The following LUC7L3 variants were observed in gnomAD, a reference collection of about 807,000 sequenced individuals.
The protein encoded by LUC7L3 is luc7-like protein 3.
LUC7L3 carries 6 observed loss-of-function variants against 66.8 expected under a neutral mutation model. That is an observed-to-expected ratio of 0.09 (90% CI 0.05 to 0.18). LUC7L3 has a LOEUF of 0.18. Among genes scored for constraint, LUC7L3 ranks in the 10% least tolerant of loss-of-function variants. The probability of loss-of-function intolerance (pLI) is 1.00; values close to 1 mark genes in which losing one functional copy is unlikely to be tolerated. For missense variants in LUC7L3, 341 were observed against 531.1 expected, an observed-to-expected ratio of 0.64 and a Z score of 3.52; for synonymous variants, 160 against 174.7, an observed-to-expected ratio of 0.92 and a Z score of 0.66.
intron 1 of LUC7L3, among the ~76,000 whole-genome samples, chr17:50,721,032 C>G (rs1301262539): frequency 6.6e-6 from 1 of 151,878 alleles, no homozygotes; most frequent in East Asian, 1.9e-4. Flanking sequence ...CAATAGGAGA[C>G]TAAGGAACTG....
chr17:50,735,797 C>G (rs555408247), intron 1 of LUC7L3, among the ~76,000 whole-genome samples: 48 of 152,258 alleles, frequency 3.2e-4, no homozygotes, highest in African/African-American at 1.2e-3. Flanking sequence ...CATGCCTGAC[C>G]AACGCTGCCT....
Position 50,750,973 on chromosome 17 carries a change from T to C in LUC7L3, c.*312T>C. On this transcript the variant is annotated 3_prime_UTR_variant, in exon 10 of 10. Transcript: ENST00000505658. ...ATTGAAAAGTTAATTATCCTTTTTTTAGGGATTTTGATGTCATTTCTTTTT... is the reference window on the plus strand; with the variant it reads ...ATTGAAAAGTTAATTATCCTTTTTTCAGGGATTTTGATGTCATTTCTTTTT... 1 of 1,484,192 alleles carries C rather than the reference T, an allele frequency of 6.7e-7. No individual in the cohort carries two copies. The highest frequency in any genetic ancestry group is 8.9e-7 in the Non-Finnish European group (1 of 1,125,650). 91.9% of individuals were successfully genotyped at this position (1,484,192 alleles called of 1,614,324 possible).
chr17:50,730,605 G>A (rs1969539260), intron 1 of LUC7L3, among the ~76,000 whole-genome samples: 1 of 150,900 alleles, frequency 6.6e-6, no homozygotes, highest in East Asian at 1.9e-4. Flanking sequence ...GTATTGCTTA[G>A]TGTTGGATCT....
rs1366228361 is a variant in LUC7L3 at position 50,751,205 on chromosome 17, AGTTT to A, written c.*548_*551del. 98 of 1,458,196 alleles carry A rather than the reference AGTTT, an allele frequency of 6.7e-5. No individual in the cohort carries two copies. Among genetic ancestry groups the A allele is most frequent in the Non-Finnish European group, 8.1e-5 (89 of 1,098,750 alleles). The allele number at this position is 1,458,196 out of a possible 1,614,324, so 90.3% of individuals were successfully genotyped here. A position where few individuals can be genotyped will look rare whatever the true frequency, so the allele number is the denominator to read the frequency against. Reference sequence around the variant, plus strand: ...GCTTTATTGCCTTGCATTCTAATGCAGTTTGTTCTGTAACTCGAGAGCCAGTAGC... The same window carrying A: ...GCTTTATTGCCTTGCATTCTAATGCAGTTCTGTAACTCGAGAGCCAGTAGC... On this transcript the variant is annotated 3_prime_UTR_variant, in exon 10 of 10. Coordinates refer to ENST00000505658, the MANE Select transcript of LUC7L3 (RefSeq NM_016424.5).
rs888375961 is a variant in LUC7L3 at position 50,753,311 on chromosome 17, A to T, written c.*2650A>T. 6.6e-6 allele frequency: 1 copy of T among 152,656 alleles called. No homozygotes were observed. The highest frequency in any genetic ancestry group is 2.1e-4 in the South Asian group (1 of 4,834). The allele number at this position is 152,656 out of a possible 1,614,324, so 9.5% of individuals were successfully genotyped here. On this transcript the variant is annotated 3_prime_UTR_variant, in exon 10 of 10. Coordinates refer to ENST00000505658, the MANE Select transcript of LUC7L3 (RefSeq NM_016424.5). ...TTTATAGGTAAAGAAACAGTGTGTT[A>T]AATGACTTATCCAGGGAGGGTCCTG...
At chr17:50,749,529 T>C (rs1218496866) in intron 9 of LUC7L3, among the ~76,000 whole-genome samples, 1 of 152,248 alleles carries the variant, frequency 6.6e-6, no homozygotes, top group African/African-American at 2.4e-5. Context: ...ATGTTTTGTT[T>C]TTCATTACCA....
chr17:50,719,876 G>T, intron 1 of LUC7L3, 45 bp downstream of exon 1: 1 of 1,553,706 alleles, frequency 6.4e-7, no homozygotes. Context: ...CCGTGGGGGA[G>T]GGGAGCGGGC....
Position 50,739,481 on chromosome 17 carries a change from G to C in LUC7L3, c.167-825G>C, listed in dbSNP as rs142039031. ...AGCTTGCCCAACAGGGTGAAATCCT[G>C]TCTCTACTAAAAATACAAAAAAATT... On this transcript the variant is annotated intron_variant, in intron 2 of 9. Coordinates refer to ENST00000505658, the MANE Select transcript of LUC7L3 (RefSeq NM_016424.5). Among the ~76,000 whole-genome samples, 1,004 of 152,230 alleles carry C rather than the reference G, an allele frequency of 6.6e-3. 11 individuals carry two copies. The highest frequency in any genetic ancestry group is 0.023 in the African/African-American group (974 of 41,532).
At chr17:50,740,441 GTGTC>G (rs1970277849) in intron 3 of LUC7L3, 96 bp downstream of exon 3, 2 of 1,180,454 alleles carry the variant, frequency 1.7e-6, no homozygotes, top group Non-Finnish European at 2.5e-6. Flanking sequence ...TGTAAAATGA[GTGTC>G]TGAGAGAAGT....
chr17:50,743,282 T>G (rs937888271), intron 5 of LUC7L3, among the ~76,000 whole-genome samples: 6 of 151,592 alleles, frequency 4.0e-5, no homozygotes, highest in African/African-American at 9.7e-5. Context: ...CACTGCAGCC[T>G]CCTCCTCCTG....
rs1970938165 is a variant in LUC7L3 at position 50,750,669 on chromosome 17, C to A, written c.*8C>A. ...GACACTCAGTCCAATTAAAACTGAT[C>A]TGATAAGACCTCAGATCAGACAGAG... On this transcript the variant is annotated 3_prime_UTR_variant, in exon 10 of 10. Coordinates refer to ENST00000505658, the MANE Select transcript of LUC7L3 (RefSeq NM_016424.5). 6.2e-7 allele frequency: 1 copy of A among 1,613,918 alleles called. No homozygotes were observed. The highest frequency in any genetic ancestry group is 8.5e-7 in the Non-Finnish European group (1 of 1,179,984).
chr17:50,749,412 C>T (rs1014492969), intron 9 of LUC7L3: 25 of 1,195,598 alleles, frequency 2.1e-5, no homozygotes, highest in Middle Eastern at 5.7e-4. Flanking sequence ...GCAAGTCTTG[C>T]GCTTAACTAC....
chr17:50,720,058 A>G (rs1024397159), intron 1 of LUC7L3, among the ~76,000 whole-genome samples: 1 of 152,264 alleles, frequency 6.6e-6, no homozygotes, highest in African/African-American at 2.4e-5. Context: ...AGCCCTTGGC[A>G]TAATTGAAAA....
intron 1 of LUC7L3, among the ~76,000 whole-genome samples, chr17:50,736,109 G>A (rs985299927): frequency 6.6e-6 from 1 of 152,154 alleles, no homozygotes; most frequent in Admixed American, 6.5e-5. Context: ...CTCTAGCCTG[G>A]GCAACAGAGT....
rs1483735975 is a variant in LUC7L3 at position 50,746,562 on chromosome 17, G to C, written c.998G>C (p.Ser333Thr). The change falls in exon 9 of 10, where the codon AGC (serine) becomes ACC (threonine). Residue 333 changes from serine to threonine, a missense_variant. Around this residue, in one of 6 missense-constraint regions of LUC7L3, gnomAD observed 210 missense variants for 238.1 expected, o/e 0.88. Transcript: ENST00000505658. The part of the protein sequence containing the change: ...RRSRSRDRRR[S>T]RSHDRSERKH... ...TTAAGAAGTAGAGATCGACGAAGAAGCAGAAGCCATGATCGATCAGAAAGA... is the reference window on the plus strand; with the variant it reads ...TTAAGAAGTAGAGATCGACGAAGAACCAGAAGCCATGATCGATCAGAAAGA... 1.9e-6 allele frequency: 3 copies of C among 1,613,310 alleles called. No homozygotes were observed. The highest frequency in any genetic ancestry group is 2.2e-5 in the South Asian group (2 of 90,864).
At chr17:50,724,523 A>AAAAAAAAT (rs1969026446) in intron 1 of LUC7L3, among the ~76,000 whole-genome samples, 1 of 151,962 alleles carries the variant, frequency 6.6e-6, no homozygotes, top group Non-Finnish European at 1.5e-5. Flanking sequence ...TCTGTCTCAA[A>AAAAAAAAT]AAAAAAATAG....
chr17:50,749,603 G>T (rs1478114935), intron 9 of LUC7L3, among the ~76,000 whole-genome samples: 1 of 152,148 alleles, frequency 6.6e-6, no homozygotes, highest in East Asian at 1.9e-4. Context: ...AGAGGGTTCT[G>T]TTTCTCTTAA....
At chr17:50,722,107 A>G (rs918784921) in intron 1 of LUC7L3, 7 of 144,874 alleles carry the variant, frequency 4.8e-5, no homozygotes, top group African/African-American at 1.6e-4. Context: ...AACCCCTTCA[A>G]CTCCCCTTCC....
intron 4 of LUC7L3, among the ~76,000 whole-genome samples, 176 bp from the exon 5 acceptor site, chr17:50,741,479 TAA>T (rs1970343953): frequency 6.6e-6 from 1 of 152,224 alleles, no homozygotes; most frequent in Non-Finnish European, 1.5e-5. Flanking sequence ...ATTTTTCCCT[TAA>T]ATAGTAGTAA....
Sources: gnomAD v4.1 joint callset for allele counts (sites outside exome capture counted in the v4.1 genomes callset) on GRCh38, gnomAD v4.1.1 for gene constraint, gnomAD v4.1.1 regional missense constraint, MANE v1.5 for transcripts, NCBI Gene and HGNC (gene_info 2026-07-23, HGNC 2026-07-21) for gene names.